Variants in ADGRD2 observed in about 807,000 individuals in gnomAD.
ADGRD2 encodes the protein adhesion G protein-coupled receptor D2, also known as G protein-coupled receptor PGR24.
Under a neutral mutation model 44.4 loss-of-function variants are expected in ADGRD2, and 71 were observed. That is an observed-to-expected ratio of 1.60 (90% CI 1.32 to 1.95). The LOEUF is 1.95. Among genes scored for constraint, ADGRD2 ranks in the 30% most tolerant of loss-of-function variants. ADGRD2 has a pLI of 0.00. For missense variants in ADGRD2, 1,039 were observed against 512.4 expected (o/e 2.03, Z -9.92); for synonymous variants, 481 against 224.8 (o/e 2.14, Z -10.19).
intron 13 of ADGRD2, 74 bp downstream of exon 16, chr9:124,468,264 C>A: frequency 1.4e-6 from 1 of 712,178 alleles, no homozygotes; most frequent in South Asian, 1.5e-5. Context: ...TAGGGTGACC[C>A]CCTGCCCCCA....
chr9:124,452,004 T>TCCCCCCC, upstream of ADGRD2: 5 of 114,464 alleles, frequency 4.4e-5, no homozygotes, highest in South Asian at 6.0e-5. Context: ...AATGCCCCCC[T>TCCCCCCC]CCCACCCACC....
exon 1 of ADGRD2, chr9:124,452,129 T>A: frequency 1.4e-6 from 1 of 717,226 alleles, no homozygotes; most frequent in South Asian, 1.5e-5. Flanking sequence ...ACTCCCCAGG[T>A]GAATCAAGGA....
intron 19 of ADGRD2, among the ~76,000 whole-genome samples, chr9:124,476,012 G>A (rs537600857): frequency 7.2e-5 from 11 of 152,320 alleles, no homozygotes; most frequent in African/African-American, 2.2e-4. Context: ...TCTGGGGCCT[G>A]GCCCACGCAT....
chr9:124,477,548 G>A (rs1285472561), intron 21 of ADGRD2, among the ~76,000 whole-genome samples: 2 of 152,236 alleles, frequency 1.3e-5, no homozygotes, highest in Non-Finnish European at 2.9e-5. Context: ...AGGCGCAGCC[G>A]CTAGCCAGAG....
chr9:124,457,358 T>C lies in ADGRD2; in HGVS notation c.1506-114T>C, dbSNP rs554547726. ...GTTGCTGAACCTCTCTGAGCAGGAATGGTGGCCTCCTAGGCCTATGGCAGG... is the reference window on the plus strand; with the variant it reads ...GTTGCTGAACCTCTCTGAGCAGGAACGGTGGCCTCCTAGGCCTATGGCAGG... On this transcript the variant is annotated intron_variant, in intron 7 of 21. Transcript: ENST00000334810. 2.0e-5 allele frequency: 9 copies of C among 455,436 alleles called. No individual in the cohort carries two copies. In the South Asian group the frequency reaches 5.2e-4, roughly 26 times the overall value. The allele number at this position is 455,436 out of a possible 1,614,324, so 28.2% of individuals were successfully genotyped here.
rs780905760 is a variant in ADGRD2 at position 124,476,381 on chromosome 9, C to T, written c.2872C>T (p.Gln958Ter). 103 of 702,066 alleles carry T rather than the reference C, an allele frequency of 1.5e-4. No individual in the cohort carries two copies. In the African/African-American group the frequency reaches 1.7e-3, roughly 12 times the overall value. 43.5% of individuals were successfully genotyped at this position (702,066 alleles called of 1,614,324 possible). ...GGGACCTATGGCCCTAGAACTCCCTCAGCATTCTCCTCCATTGCAAACCCG... is the reference window on the plus strand; with the variant it reads ...GGGACCTATGGCCCTAGAACTCCCTTAGCATTCTCCTCCATTGCAAACCCG... Residue 958 changes from glutamine to a stop codon, truncating the protein, a stop_gained, in exon 20 of 22, where the codon CAG becomes TAG. Coordinates refer to ENST00000334810, the Ensembl canonical transcript of ADGRD2. LOFTEE classifies it high-confidence loss of function.
intron 21 of ADGRD2, chr9:124,476,954 A>T (rs1243996726): frequency 2.9e-6 from 2 of 696,248 alleles, no homozygotes; most frequent in East Asian, 2.8e-5. Context: ...GGGCGCTGCC[A>T]AGAGCACAAC....
chr9:124,475,733 G>A (rs1433540894), intron 19 of ADGRD2, 118 bp downstream of exon 22: 1 of 552,684 alleles, frequency 1.8e-6, no homozygotes, highest in African/African-American at 2.0e-5. Flanking sequence ...ACCAGCCTGA[G>A]GCCCCCAGGC....
upstream of ADGRD2, chr9:124,451,129 G>A (rs2131215891): frequency 2.1e-6 from 1 of 472,358 alleles, no homozygotes. Flanking sequence ...AGGTCCAGAG[G>A]AGGGAAACTC....
rs1832026099 is a variant in ADGRD2 at position 124,475,426 on chromosome 9, C to T, written c.2759-20C>T. 1.1e-5 allele frequency: 8 copies of T among 709,636 alleles called. No homozygotes were observed. The East Asian group carries it at 2.2e-4, about 19-fold the overall frequency. 44.0% of individuals were successfully genotyped at this position (709,636 alleles called of 1,614,324 possible). On this transcript the variant is annotated intron_variant, in intron 17 of 21. Transcript: ENST00000334810. ...GGGTAGGAGGCTCCGGGCTGAGGCA[C>T]TCGCTGGGTCTGTCCTCAGGGGCTG...
At chr9:124,455,062 G>T (rs533128420) in exon 6 of ADGRD2, 9 of 717,526 alleles carry the variant, frequency 1.3e-5, no homozygotes, top group Non-Finnish European at 2.1e-5. Context: ...GAGCCAAGGC[G>T]TTGTATCTGT....
intron 8 of ADGRD2, 59 bp downstream of exon 11, chr9:124,457,665 C>A: frequency 1.8e-6 from 1 of 551,470 alleles, no homozygotes; most frequent in South Asian, 2.6e-5. Flanking sequence ...AACCTCAGCT[C>A]TAACTGTCGC....
chr9:124,474,554 A>G (rs1181359053), intron 17 of ADGRD2, among the ~76,000 whole-genome samples: 1 of 152,158 alleles, frequency 6.6e-6, no homozygotes, highest in Non-Finnish European at 1.5e-5. Flanking sequence ...CAGGGGGACC[A>G]GTCAGGCTCT....
chr9:124,472,444 G>T (rs973592354), intron 17 of ADGRD2, among the ~76,000 whole-genome samples: 1 of 149,236 alleles, frequency 6.7e-6, no homozygotes, highest in East Asian at 2.0e-4. Flanking sequence ...TTTTTTGTTT[G>T]TTTGTTTGTT....
At chr9:124,468,472 C>T (rs1312380442) in intron 13 of ADGRD2, 47 bp from the exon 17 acceptor site, 1 of 717,074 alleles carries the variant, frequency 1.4e-6, no homozygotes, top group East Asian at 2.7e-5. Context: ...CTGGCCTGCA[C>T]CTGCGTCTGA....
upstream of ADGRD2, chr9:124,451,295 C>T (rs1831462751): frequency 1.7e-5 from 8 of 459,332 alleles, no homozygotes; most frequent in South Asian, 1.3e-4. Context: ...GCTTCCCCCA[C>T]CCGCTGCAGG....
At chr9:124,457,647 CT>C in intron 8 of ADGRD2, 41 bp downstream of exon 11, 1 of 568,454 alleles carries the variant, frequency 1.8e-6, no homozygotes, top group South Asian at 2.3e-5. Context: ...CTGTTGGGTT[CT>C]GGGTCAAACC....
chr9:124,453,273 T>C lies in ADGRD2; in HGVS notation c.522T>C (p.Arg174=), dbSNP rs548035052. The change falls in exon 3 of 22, where the codon CGT becomes CGC. Residue 174 remains arginine (R), a synonymous_variant. Transcript: ENST00000334810. ...TCGTGCGCGCTGCGCTGGTGGTGCG[T>C]GGGCAGCACGCGCCCTTCCTCGCAG... 1.3e-3 allele frequency: 676 copies of C among 510,704 alleles called. 6 individuals carry two copies. Among genetic ancestry groups the C allele is most frequent in the African/African-American group, 0.012 (608 of 48,846 alleles). The allele number at this position is 510,704 out of a possible 1,614,324, so 31.6% of individuals were successfully genotyped here. A position where few individuals can be genotyped will look rare whatever the true frequency, so the allele number is the denominator to read the frequency against.
chr9:124,458,897 G>T (rs1250396724), intron 10 of ADGRD2, among the ~76,000 whole-genome samples, 176 bp downstream of exon 13: 2 of 152,104 alleles, frequency 1.3e-5, no homozygotes, highest in Non-Finnish European at 2.9e-5. Flanking sequence ...TTGACTGCAG[G>T]GTCACCTTAT....
Sources: allele counts gnomAD v4.1 joint callset (sites outside exome capture counted in the v4.1 genomes callset), GRCh38; gene constraint gnomAD v4.1.1; transcripts MANE v1.5; gene names NCBI Gene and HGNC (gene_info 2026-07-23, HGNC 2026-07-21).